RIPOR2: variants seen among roughly 807,000 people sequenced by gnomAD.
RIPOR2 encodes rho family-interacting cell polarization regulator 2.
In RIPOR2, 39 loss-of-function variants were observed where a neutral mutation model predicts 114.5. That is an observed-to-expected ratio of 0.34 (90% CI 0.26 to 0.44). The LOEUF (loss-of-function observed/expected upper bound fraction) is 0.44. Ranked by LOEUF, RIPOR2 falls within the 20% of genes least tolerant of loss-of-function variation. The pLI is 1.00. For missense variants in RIPOR2, 1,007 were observed against 1,255.1 expected (o/e 0.80, Z 2.99); for synonymous variants, 445 against 484.4 (o/e 0.92, Z 1.07).
intron 8 of RIPOR2, among the ~76,000 whole-genome samples, chr6:24,856,014 C>T (rs1159080637): frequency 6.6e-6 from 1 of 152,092 alleles, no homozygotes. Context: ...CAGAGCGAGA[C>T]CCTCGACTCA....
chr6:24,870,723 A>G, intron 5 of RIPOR2, 143 bp downstream of exon 5: 2 of 582,604 alleles, frequency 3.4e-6, no homozygotes. Context: ...CACATTGCCC[A>G]GGCAGGTCTC....
At chr6:25,023,145 G>A in intron 1 of RIPOR2, 1 of 545,616 alleles carries the variant, frequency 1.8e-6, no homozygotes, top group Admixed American at 1.9e-5. Flanking sequence ...TACGCTGCCA[G>A]CCGGGAAGAA....
At chr6:24,881,454 T>C (rs76897717) in intron 1 of RIPOR2, among the ~76,000 whole-genome samples, 6,099 of 152,188 alleles carry the variant, frequency 0.04, 354 homozygotes, top group African/African-American at 0.13. Context: ...CTATAACCAA[T>C]GGGAACAACA....
intron 20 of RIPOR2, among the ~76,000 whole-genome samples, chr6:24,811,149 G>A (rs1781120979): frequency 6.6e-6 from 1 of 150,672 alleles, no homozygotes; most frequent in Admixed American, 6.6e-5. Flanking sequence ...TTCTTTTGAG[G>A]TATTAATTCC....
chr6:24,882,661 C>T (rs375456652), intron 1 of RIPOR2, among the ~76,000 whole-genome samples: 3 of 151,960 alleles, frequency 2.0e-5, no homozygotes, highest in African/African-American at 7.3e-5. Context: ...AGACAACCAC[C>T]GGGGGAATTT....
chr6:24,872,991 C>T, intron 3 of RIPOR2, 32 bp from the exon 4 acceptor site: 1 of 1,453,138 alleles, frequency 6.9e-7, no homozygotes, highest in Non-Finnish European at 9.7e-7. Context: ...TAATCGTAAT[C>T]TCTGCGCCTG....
At chr6:24,910,899 C>G (rs1221640678) in intron 1 of RIPOR2, 1 of 985,278 alleles carries the variant, frequency 1.0e-6, no homozygotes, top group African/African-American at 1.7e-5. Flanking sequence ...AATGCAATGC[C>G]CGGAGCTGCC....
intron 1 of RIPOR2, among the ~76,000 whole-genome samples, chr6:24,957,638 C>T (rs866704376): frequency 6.6e-6 from 1 of 152,104 alleles, no homozygotes; most frequent in Non-Finnish European, 1.5e-5. Context: ...CTATGGGAGG[C>T]CGAGGCAGGT....
chr6:24,864,923 A>C (rs1162770178), intron 7 of RIPOR2, among the ~76,000 whole-genome samples: 1 of 152,182 alleles, frequency 6.6e-6, no homozygotes, highest in Non-Finnish European at 1.5e-5. Flanking sequence ...AAATGACACA[A>C]ATCAGGGCAA....
chr6:24,935,936 C>A lies in RIPOR2; in HGVS notation c.-38G>T. 1 of 1,485,584 alleles carries A rather than the reference C, an allele frequency of 6.7e-7. No individual in the cohort carries two copies. The highest frequency in any genetic ancestry group is 9.1e-7 in the Non-Finnish European group (1 of 1,101,744). The allele number at this position is 1,485,584 out of a possible 1,614,324, so 92.0% of individuals were successfully genotyped here. A position where few individuals can be genotyped will look rare whatever the true frequency, so the allele number is the denominator to read the frequency against. On this transcript the variant is annotated 5_prime_UTR_variant, in exon 1 of 22. Coordinates refer to ENST00000643898, the MANE Select transcript of RIPOR2 (RefSeq NM_001286445.3). Reference sequence around the variant, plus strand: ...AGGCGCGAGAAGCAGCAGGCAGCAGCCCCGGCAGTCTCAGCAGTCACACTG... The same window carrying A: ...AGGCGCGAGAAGCAGCAGGCAGCAGACCCGGCAGTCTCAGCAGTCACACTG...
chr6:24,839,427 C>A, intron 13 of RIPOR2, 155 bp from the exon 14 acceptor site: 3 of 1,427,142 alleles, frequency 2.1e-6, no homozygotes, highest in South Asian at 1.5e-5. Flanking sequence ...TCTTTATATC[C>A]AAAAAAGAAG....
intron 1 of RIPOR2, among the ~76,000 whole-genome samples, chr6:24,896,408 A>G (rs1767893478): frequency 6.6e-6 from 1 of 152,218 alleles, no homozygotes; most frequent in East Asian, 1.9e-4. Context: ...CCAGTTTACT[A>G]AAGTCTAGAT....
chr6:25,031,699 TTATATATATATATATATA>T (rs58886088), intron 1 of RIPOR2, among the ~76,000 whole-genome samples: 479 of 35,456 alleles, frequency 0.014, 8 homozygotes, highest in Admixed American at 0.04. Flanking sequence ...TAGGTGGTAG[TTATATATATATATATATA>T]TATATATATA....
rs1311874127 is a variant in RIPOR2 at position 25,031,698 on chromosome 6, GTTATATATATATATATAT to G, written c.76+10135_76+10152del. ...GGTTAGGTATGTGATGTAGGTGGTA[GTTATATATATATATATAT>G]ATATATATATATATATATATATATA... On this transcript the variant is annotated intron_variant, in intron 1 of 13. Transcript: ENST00000510784. Among the ~76,000 whole-genome samples the G allele has an allele frequency of 5.0e-4, 24 of 48,018 alleles. 1 individual carries two copies. The highest frequency in any genetic ancestry group is 1.5e-3 in the African/African-American group (20 of 13,722). 31.5% of individuals were successfully genotyped at this position (48,018 alleles called of 152,430 possible). A position where few individuals can be genotyped will look rare whatever the true frequency, so the allele number is the denominator to read the frequency against.
chr6:25,020,853 TTTTTC>T (rs1378715702), intron 1 of RIPOR2, among the ~76,000 whole-genome samples: 5 of 152,152 alleles, frequency 3.3e-5, no homozygotes, highest in East Asian at 1.9e-4. Flanking sequence ...TAGTTTAATT[TTTTTC>T]TTTTCTTTTC....
chr6:24,909,349 G>T (rs1769317586), intron 1 of RIPOR2, among the ~76,000 whole-genome samples: 1 of 152,136 alleles, frequency 6.6e-6, no homozygotes, highest in South Asian at 2.1e-4. Context: ...CTGGTTCTCG[G>T]AGAGTTCGTG....
chr6:24,832,248 A>T lies in RIPOR2; in HGVS notation c.2344+8T>A. ...ACGTGAATAGCGGTGTAACTGGCAG[A>T]TACTTACCTTCCACAACAGAACTGA... is the stretch of plus-strand genomic sequence containing the variant. On this transcript the variant is annotated splice_region_variant and intron_variant, in intron 16 of 21. Coordinates refer to ENST00000643898, the MANE Select transcript of RIPOR2 (RefSeq NM_001286445.3). The T allele has an allele frequency of 6.4e-7, 1 of 1,551,460 alleles. No homozygotes were observed. The highest frequency in any genetic ancestry group is 2.4e-5 in the East Asian group (1 of 40,928).
chr6:24,921,319 C>T (rs1385607933), intron 1 of RIPOR2, among the ~76,000 whole-genome samples: 2 of 151,512 alleles, frequency 1.3e-5, no homozygotes, highest in Non-Finnish European at 2.9e-5. Context: ...CGTGCCACCA[C>T]ACCCAGCTAT....
chr6:24,985,048 C>T (rs1774475392), intron 1 of RIPOR2, among the ~76,000 whole-genome samples: 1 of 152,238 alleles, frequency 6.6e-6, no homozygotes, highest in Admixed American at 6.5e-5. Flanking sequence ...TGGGTCCCCT[C>T]CTCAGGAAAT....
Sources: gnomAD v4.1 joint callset for allele counts (sites outside exome capture counted in the v4.1 genomes callset) on GRCh38, gnomAD v4.1.1 for gene constraint, MANE v1.5 for transcripts, NCBI Gene and HGNC (gene_info 2026-07-23, HGNC 2026-07-21) for gene names.